CSNK1G1: variants seen among roughly 807,000 people sequenced by gnomAD.
CSNK1G1 encodes the protein casein kinase 1 gamma 1, also known as casein kinase I isoform gamma-1.
A neutral mutation model predicts 59.6 loss-of-function variants in CSNK1G1; 22 were observed. The observed-to-expected ratio is 0.37, with a 90% CI of 0.26 to 0.53. CSNK1G1 has a LOEUF of 0.53. CSNK1G1 is among the 20% of genes least tolerant of loss of function. The pLI, the probability that CSNK1G1 is intolerant of heterozygous loss-of-function variation, is 0.89. For synonymous variants in CSNK1G1, 179 were observed against 177.1 expected, an observed-to-expected ratio of 1.01 and a Z score of -0.08; for missense variants, 384 against 519.5, an observed-to-expected ratio of 0.74 and a Z score of 2.54.
intron 1 of CSNK1G1, among the ~76,000 whole-genome samples, chr15:64,345,786 T>C (rs1319307668): frequency 6.6e-6 from 1 of 152,034 alleles, no homozygotes; most frequent in Non-Finnish European, 1.5e-5. Context: ...GCTTGTAGAA[T>C]AGAAAAAAAA....
chr15:64,353,524 G>A (rs892070704), intron 1 of CSNK1G1, among the ~76,000 whole-genome samples: 2 of 151,872 alleles, frequency 1.3e-5, no homozygotes, highest in Non-Finnish European at 2.9e-5. Context: ...GCATGTGCCT[G>A]TAATCCCAGC....
intron 3 of CSNK1G1, among the ~76,000 whole-genome samples, chr15:64,256,844 G>A (rs1007853999): frequency 2.0e-5 from 3 of 152,018 alleles, no homozygotes; most frequent in African/African-American, 7.3e-5. Context: ...GCATTTCTGT[G>A]CCAGATGCTG....
At chr15:64,309,639 T>C (rs529140636) in intron 1 of CSNK1G1, among the ~76,000 whole-genome samples, 1 of 152,258 alleles carries the variant, frequency 6.6e-6, no homozygotes, top group South Asian at 2.1e-4. Flanking sequence ...AAGAAGGGCA[T>C]TGTAATTGCT....
rs146761068 is a variant in CSNK1G1, at chr15:64,297,502, A to G, written c.181+2817T>C. 6.7e-3 allele frequency among the ~76,000 whole-genome samples: 1,023 copies of G among 152,206 alleles called. 7 individuals carry two copies. The highest frequency in any genetic ancestry group is 0.011 in the Non-Finnish European group (751 of 68,010). ...GGCAGGAGAATCGCTTGAGGCCAGG[A>G]GTTCAAGACCAGCCTGCAAAACATC... On this transcript the variant is annotated intron_variant, in intron 2 of 11. Transcript: ENST00000303052.
intron 2 of CSNK1G1, among the ~76,000 whole-genome samples, chr15:64,286,499 A>G (rs1894431353): frequency 6.6e-6 from 1 of 152,098 alleles, no homozygotes. Flanking sequence ...TTATAAATAT[A>G]TATAAGCTAA....
intron 1 of CSNK1G1, among the ~76,000 whole-genome samples, chr15:64,307,796 C>G (rs1194611456): frequency 2.6e-5 from 4 of 152,200 alleles, no homozygotes; most frequent in Non-Finnish European, 5.9e-5. Flanking sequence ...ACGCCATTCT[C>G]CTGCCTCAGC....
chr15:64,300,559 T>C lies in CSNK1G1; in HGVS notation c.-60A>G. The C allele has an allele frequency of 6.6e-7, 1 of 1,511,316 alleles. No homozygotes were observed. The allele number at this position is 1,511,316 out of a possible 1,614,324, so 93.6% of individuals were successfully genotyped here. A position where few individuals can be genotyped will look rare whatever the true frequency, so the allele number is the denominator to read the frequency against. On this transcript the variant is annotated 5_prime_UTR_variant, in exon 2 of 12. Transcript: ENST00000303052. ...AGTAGCTTCAGTATGTATACCTCTC[T>C]TCAATACAAAAGTATGTCCAAATAA...
At chr15:64,321,844 G>A (rs1409763338) in intron 1 of CSNK1G1, among the ~76,000 whole-genome samples, 1 of 152,188 alleles carries the variant, frequency 6.6e-6, no homozygotes, top group Non-Finnish European at 1.5e-5. Flanking sequence ...GAGAAGAATG[G>A]AGGGAGTTAC....
At chr15:64,282,908 G>A (rs1342205504) in intron 2 of CSNK1G1, among the ~76,000 whole-genome samples, 1 of 152,144 alleles carries the variant, frequency 6.6e-6, no homozygotes, top group African/African-American at 2.4e-5. Flanking sequence ...ACAATGTTGA[G>A]CATCAAGTCA....
At chr15:64,309,068 C>T (rs1030795438) in intron 1 of CSNK1G1, among the ~76,000 whole-genome samples, 2 of 152,070 alleles carry the variant, frequency 1.3e-5, no homozygotes, top group Admixed American at 1.3e-4. Flanking sequence ...TATCTCTGCT[C>T]TTCATTATGT....
chr15:64,334,601 A>C (rs1232741341), intron 1 of CSNK1G1, among the ~76,000 whole-genome samples: 1 of 152,204 alleles, frequency 6.6e-6, no homozygotes, highest in Non-Finnish European at 1.5e-5. Context: ...CTGGCCAATC[A>C]TCAGGCATTA....
intron 1 of CSNK1G1, among the ~76,000 whole-genome samples, chr15:64,338,712 A>AAT (rs1897522588): frequency 7.1e-6 from 1 of 141,154 alleles, no homozygotes; most frequent in Non-Finnish European, 1.6e-5. Context: ...AAAAAAAAAA[A>AAT]AAAAAAAAAA....
rs137977859 is a variant in CSNK1G1 at position 64,165,957 on chromosome 15, A to C, written c.*5974T>G. ...AAGATTTTCCTAATGGTGCACAAAT[A>C]TCTCTCCTGGAGGAACCATTTCAAA... On this transcript the variant is annotated 3_prime_UTR_variant, in exon 12 of 12. Transcript: ENST00000303052. 4.1e-4 allele frequency: 256 copies of C among 631,130 alleles called. 1 individual carries two copies. The highest frequency in any genetic ancestry group is 1.4e-3 in the Admixed American group (48 of 33,732). The allele number at this position is 631,130 out of a possible 1,614,324, so 39.1% of individuals were successfully genotyped here.
chr15:64,251,231 G>A (rs762985330), intron 4 of CSNK1G1, among the ~76,000 whole-genome samples: 1 of 152,138 alleles, frequency 6.6e-6, no homozygotes, highest in Non-Finnish European at 1.5e-5. Context: ...AGAATGAACT[G>A]CTGAAAAGCA....
intron 3 of CSNK1G1, among the ~76,000 whole-genome samples, chr15:64,253,543 T>G (rs1892201922): frequency 6.6e-6 from 1 of 152,166 alleles, no homozygotes; most frequent in African/African-American, 2.4e-5. Context: ...ACAGAATCAT[T>G]ATGATTTACA....
rs1418003918 is a variant in CSNK1G1 at position 64,277,781 on chromosome 15, A to C, written c.182-18540T>G. On this transcript the variant is annotated intron_variant, in intron 2 of 11. Coordinates refer to ENST00000303052, the MANE Select transcript of CSNK1G1 (RefSeq NM_022048.5). ...TATAGCAATATTGATATATTTAATA[A>C]TATATTAATATTGATATATTTAATA... Among the ~76,000 whole-genome samples the C allele has an allele frequency of 1.3e-4, 15 of 112,410 alleles. 1 individual carries two copies. Among genetic ancestry groups the C allele is most frequent in the African/African-American group, 3.9e-4 (13 of 33,488 alleles). The allele number at this position is 112,410 out of a possible 152,430, so 73.7% of individuals were successfully genotyped here.
At chr15:64,326,833 G>C (rs538453214) in intron 1 of CSNK1G1, among the ~76,000 whole-genome samples, 1 of 151,066 alleles carries the variant, frequency 6.6e-6, no homozygotes, top group Non-Finnish European at 1.5e-5. Context: ...TGCGCGAGCC[G>C]AAGCAGGGCG....
At chr15:64,340,089 A>C (rs1188237517) in intron 1 of CSNK1G1, among the ~76,000 whole-genome samples, 5 of 152,204 alleles carry the variant, frequency 3.3e-5, no homozygotes, top group Admixed American at 3.3e-4. Flanking sequence ...TTTTTTAAAA[A>C]ACTGAGTCCT....
intron 2 of CSNK1G1, among the ~76,000 whole-genome samples, chr15:64,285,523 A>G (rs1894360180): frequency 1.3e-5 from 2 of 152,194 alleles, no homozygotes; most frequent in Non-Finnish European, 2.9e-5. Context: ...AAGACTAACA[A>G]GTATAAAAAG....
Sources: gnomAD v4.1 joint callset for allele counts (sites outside exome capture counted in the v4.1 genomes callset) on GRCh38, gnomAD v4.1.1 for gene constraint, MANE v1.5 for transcripts, NCBI Gene and HGNC (gene_info 2026-07-23, HGNC 2026-07-21) for gene names.